Variants in ZNF333 observed in about 807,000 individuals in gnomAD.
The protein encoded by ZNF333 is zinc finger protein 333.
Under a neutral mutation model 76.1 loss-of-function variants are expected in ZNF333, and 61 were observed. The observed-to-expected ratio is 0.80, with a 90% CI of 0.65 to 0.99. The LOEUF is 0.99. Ranked by LOEUF, ZNF333 falls within the 50% of genes least tolerant of loss-of-function variation. ZNF333 has a pLI of 0.00. For missense variants in ZNF333, 717 were observed against 822.4 expected (o/e 0.87, Z 1.57); for synonymous variants, 284 against 305.0 (o/e 0.93, Z 0.72).
intron 11 of ZNF333, among the ~76,000 whole-genome samples, chr19:14,727,274 C>T (rs549753181): frequency 1.6e-4 from 25 of 152,214 alleles, no homozygotes; most frequent in East Asian, 5.8e-4. Context: ...GTGATCCGCC[C>T]GCCTTGGCCT....
chr19:14,729,590 C>T (rs372812568), intron 11 of ZNF333, among the ~76,000 whole-genome samples: 11 of 152,160 alleles, frequency 7.2e-5, no homozygotes, highest in South Asian at 2.1e-4. Flanking sequence ...TGGGCTGAAG[C>T]GATCTGCCCA....
intron 5 of ZNF333, chr19:14,701,701 ACTC>A: frequency 1.0e-6 from 1 of 984,948 alleles, no homozygotes; most frequent in Non-Finnish European, 1.2e-6. Context: ...CCTCCACAGA[ACTC>A]CACACCCAGC....
chr19:14,704,286 AC>A (rs1415258106), intron 5 of ZNF333, among the ~76,000 whole-genome samples: 1 of 151,504 alleles, frequency 6.6e-6, no homozygotes, highest in African/African-American at 2.4e-5. Flanking sequence ...AGACCTGTGT[AC>A]CCTGACTTTT....
chr19:14,723,997 G>A (rs1394546968), downstream of ZNF333, among the ~76,000 whole-genome samples: 1 of 152,138 alleles, frequency 6.6e-6, no homozygotes, highest in Non-Finnish European at 1.5e-5. Flanking sequence ...CCTGGTGTTT[G>A]GGCATTCTGC....
chr19:14,717,742 C>G lies in ZNF333; in HGVS notation c.900+9C>G. The stretch of plus-strand genomic sequence containing the variant: ...CCATTGATGTGAAAGGGGTAAGGCT[C>G]ACCAGGGATTATTCATGGTTCTCTA... On this transcript the variant is annotated intron_variant, in intron 11 of 11. Coordinates refer to ENST00000292530, the MANE Select transcript of ZNF333 (RefSeq NM_032433.4). The G allele has an allele frequency of 6.2e-7, 1 of 1,612,906 alleles. No homozygotes were observed. Among genetic ancestry groups the G allele is most frequent in the Non-Finnish European group, 8.5e-7 (1 of 1,178,916 alleles).
In ZNF333 at chr19:14,704,793, A is replaced by G. The variant is rs374193489; in HGVS notation, c.307-261A>G. ...CCCTCCCACAACACGTGGGAATCCA[A>G]GATGAGATTTTGATGGGGACAGAGC... On this transcript the variant is annotated intron_variant, in intron 5 of 11. Transcript: ENST00000292530. Among the ~76,000 whole-genome samples the G allele has an allele frequency of 1.6e-4, 25 of 152,234 alleles. No homozygotes were observed. In the East Asian group the frequency reaches 2.1e-3, roughly 13 times the overall value.
At chr19:14,717,840 A>G in intron 11 of ZNF333, 107 bp downstream of exon 11, 2 of 1,120,474 alleles carry the variant, frequency 1.8e-6, no homozygotes, top group Non-Finnish European at 2.6e-6. Flanking sequence ...CGAGGCAAGA[A>G]GTGTTTACCC....
Position 14,718,434 on chromosome 19 carries a change from C to G in ZNF333, c.1107C>G (p.Asn369Lys), listed in dbSNP as rs2042501013. 2 of 1,614,140 alleles carry G rather than the reference C, an allele frequency of 1.2e-6. No individual in the cohort carries two copies. Among genetic ancestry groups the G allele is most frequent in the Non-Finnish European group, 8.5e-7 (1 of 1,180,030 alleles). The change falls in exon 12 of 12, where the codon AAC becomes AAG. Residue 369 changes from asparagine to lysine, a missense_variant. Asn to Lys is a moderately conservative substitution (Grantham distance 94). Coordinates refer to ENST00000292530, the MANE Select transcript of ZNF333 (RefSeq NM_032433.4). ...IRSGDKSYAC[N>K]KCEKSFRYSS... Reference sequence around the variant, plus strand: ...GTGGGGATAAATCCTATGCATGTAACAAATGTGAAAAATCCTTCAGATACA... The same window carrying G: ...GTGGGGATAAATCCTATGCATGTAAGAAATGTGAAAAATCCTTCAGATACA...
intron 4 of ZNF333, among the ~76,000 whole-genome samples, chr19:14,698,935 T>TATATATACACAC (rs1180611568): frequency 2.2e-5 from 3 of 139,332 alleles, no homozygotes; most frequent in Non-Finnish European, 3.1e-5. Context: ...TATATATATA[T>TATATATACACAC]ACACACATAT....
downstream of ZNF333, among the ~76,000 whole-genome samples, chr19:14,726,160 A>G (rs778620904): frequency 3.9e-5 from 6 of 152,130 alleles, no homozygotes; most frequent in Non-Finnish European, 8.8e-5. Flanking sequence ...CAGAGCTGCA[A>G]CCCAAGCTAT....
At chr19:14,728,569 G>A (rs187558865) in intron 11 of ZNF333, among the ~76,000 whole-genome samples, 13 of 152,324 alleles carry the variant, frequency 8.5e-5, no homozygotes, top group African/African-American at 7.2e-5. Flanking sequence ...AGATGAGCAG[G>A]TGAAGCCACT....
At chr19:14,713,883 C>CCCA (rs1347171875) in intron 7 of ZNF333, among the ~76,000 whole-genome samples, 1 of 152,130 alleles carries the variant, frequency 6.6e-6, no homozygotes, top group Non-Finnish European at 1.5e-5. Flanking sequence ...ATCACTTGGG[C>CCCA]CCAGGAGTTT....
rs1317533361 is a variant in ZNF333, at chr19:14,717,049, G to A, written c.783G>A (p.Gln261=). ...CTTATTTGGAAGAAAGAGGAGAGCA[G>A]TGGACCACTGACAGGGGCGTCCTCT... ...ALSYLEERGE[Q]WTTDRGVLSD... is the part of the protein sequence containing the mutation. Residue 261 remains glutamine, a synonymous_variant, in exon 10 of 12, where the codon CAG becomes CAA. Coordinates refer to ENST00000292530, the MANE Select transcript of ZNF333 (RefSeq NM_032433.4). 5 of 1,611,498 alleles carry A rather than the reference G, an allele frequency of 3.1e-6. No individual in the cohort carries two copies. Among genetic ancestry groups the A allele is most frequent in the African/African-American group, 1.3e-5 (1 of 74,936 alleles).
chr19:14,731,258 A>C, exon 12 of ZNF333: 1 of 1,420,302 alleles, frequency 7.0e-7, no homozygotes, highest in Non-Finnish European at 9.6e-7. Context: ...TGGATATCAA[A>C]GGATCACTAC....
At chr19:14,715,107 T>C (rs28679653) in intron 7 of ZNF333, 23,803 of 378,260 alleles carry the variant, frequency 0.063, 1,262 homozygotes, top group African/African-American at 0.18. Flanking sequence ...GTATATGTTA[T>C]ATATATGAAC....
chr19:14,710,729 G>A (rs2042249397), intron 7 of ZNF333, among the ~76,000 whole-genome samples: 1 of 152,216 alleles, frequency 6.6e-6, no homozygotes. Context: ...AGTGAACCAA[G>A]ATTGCGCCAC....
intron 11 of ZNF333, among the ~76,000 whole-genome samples, chr19:14,727,222 G>A (rs190173508): frequency 6.6e-6 from 1 of 152,098 alleles, no homozygotes; most frequent in South Asian, 2.1e-4. Context: ...TAGAGACAGG[G>A]TTTCACCGTG....
downstream of ZNF333, among the ~76,000 whole-genome samples, chr19:14,723,540 C>T (rs2042614922): frequency 6.6e-6 from 1 of 152,208 alleles, no homozygotes; most frequent in Non-Finnish European, 1.5e-5. Context: ...TGCTTTTTAG[C>T]TTTCAGTGTA....
chr19:14,707,334 G>A (rs1005064810), intron 7 of ZNF333: 1 of 152,222 alleles, frequency 6.6e-6, no homozygotes, highest in African/African-American at 2.4e-5. Flanking sequence ...TTGAGCCCAG[G>A]AGGTCAGGGC....
Sources: allele counts gnomAD v4.1 joint callset (sites outside exome capture counted in the v4.1 genomes callset), GRCh38; gene constraint gnomAD v4.1.1; transcripts MANE v1.5; gene names NCBI Gene and HGNC (gene_info 2026-07-23, HGNC 2026-07-21).